Variants in NEAT1 observed in about 807,000 individuals in gnomAD.
NEAT1 encodes the protein MENepsilon/beta.
exon 1 of NEAT1, chr11:65,442,127 T>A (rs970617560): frequency 7.5e-6 from 1 of 133,664 alleles, no homozygotes; most frequent in Admixed American, 7.3e-5. Context: ...AGAGTTTTGA[T>A]TTTTTTTTTT....
chr11:65,434,069 C>A (rs949022810), exon 1 of NEAT1: 1 of 151,916 alleles, frequency 6.6e-6, no homozygotes, highest in Non-Finnish European at 1.5e-5. Context: ...TCATTTAATA[C>A]CATGGTAAGA....
exon 1 of NEAT1, chr11:65,434,377 C>T (rs1194574556): frequency 6.6e-6 from 1 of 152,090 alleles, no homozygotes; most frequent in Admixed American, 6.5e-5. Flanking sequence ...TTATTCACTT[C>T]CATTTGTATC....
At chr11:65,432,655 CT>C (rs1391659227) in exon 1 of NEAT1, 1 of 140,826 alleles carries the variant, frequency 7.1e-6, no homozygotes, top group African/African-American at 2.7e-5. Flanking sequence ...TTATAATTTT[CT>C]TTTTTTTCTT....
exon 1 of NEAT1, chr11:65,424,948 G>C (rs1432038805): frequency 6.6e-6 from 1 of 152,092 alleles, no homozygotes; most frequent in African/African-American, 2.4e-5. Context: ...GGGGTATGCA[G>C]CTTGGCACTG....
exon 1 of NEAT1, chr11:65,438,969 C>G (rs1040317480): frequency 6.6e-6 from 1 of 152,172 alleles, no homozygotes; most frequent in Non-Finnish European, 1.5e-5. Context: ...AAACTATTTT[C>G]CCACGTCCAT....
In NEAT1 at chr11:65,432,269, A is replaced by G. The variant is rs570012567; in HGVS notation, n.9472A>G. Reference sequence around the variant, plus strand: ...CATTTTTCCTCTTTGACCACTAACCATGTGAAATTCTCATATTGACCTTTA... The same window carrying G: ...CATTTTTCCTCTTTGACCACTAACCGTGTGAAATTCTCATATTGACCTTTA... On this transcript the variant is annotated non_coding_transcript_exon_variant, in exon 1 of 1. Transcript: ENST00000501122. 3.3e-5 allele frequency: 5 copies of G among 152,302 alleles called. No individual in the cohort carries two copies. In the East Asian group the frequency reaches 9.6e-4, roughly 29 times the overall value. 9.4% of individuals were successfully genotyped at this position (152,302 alleles called of 1,614,324 possible).
chr11:65,431,131 T>C (rs990069194), exon 1 of NEAT1: 2 of 152,216 alleles, frequency 1.3e-5, no homozygotes, highest in African/African-American at 4.8e-5. Flanking sequence ...AGTTAAATCA[T>C]GAAGTATTTG....
At chr11:65,443,212 T>C (rs927370049) in exon 1 of NEAT1, 2 of 152,222 alleles carry the variant, frequency 1.3e-5, no homozygotes, top group Non-Finnish European at 2.9e-5. Flanking sequence ...CTGAGCTGGC[T>C]CAGCAGTCTG....
At chr11:65,443,562 C>T (rs1225251043) in exon 1 of NEAT1, 1 of 152,232 alleles carries the variant, frequency 6.6e-6, no homozygotes, top group Non-Finnish European at 1.5e-5. Flanking sequence ...TTGGGGTCCT[C>T]TGGGGCATTC....
chr11:65,424,400 G>A (rs1009586667), exon 1 of NEAT1: 4 of 152,198 alleles, frequency 2.6e-5, no homozygotes, highest in African/African-American at 7.2e-5. Flanking sequence ...AGATCCCTAA[G>A]CTGTAGAACA....
At chr11:65,439,124 C>T (rs1012187080) in exon 1 of NEAT1, 1 of 152,170 alleles carries the variant, frequency 6.6e-6, no homozygotes, top group African/African-American at 2.4e-5. Flanking sequence ...TTGCATTTCT[C>T]TGATGAGTGA....
chr11:65,444,896 A>G (rs1856752665), exon 1 of NEAT1: 1 of 221,458 alleles, frequency 4.5e-6, no homozygotes, highest in South Asian at 5.4e-5. Context: ...CGTCTGCGTG[A>G]CCTCAGGTGC....
At chr11:65,426,581 A>G (rs1021475844) in exon 1 of NEAT1, 5 of 152,340 alleles carry the variant, frequency 3.3e-5, no homozygotes, top group South Asian at 4.1e-4. Flanking sequence ...CATTGCCTTC[A>G]TAACGACTTT....
exon 1 of NEAT1, chr11:65,439,367 A>C (rs763617014): frequency 1.3e-5 from 2 of 152,178 alleles, no homozygotes; most frequent in Non-Finnish European, 2.9e-5. Flanking sequence ...CCTTAGACAT[A>C]TAATAAATTT....
chr11:65,435,002 T>C (rs1856646345), exon 1 of NEAT1: 1 of 152,224 alleles, frequency 6.6e-6, no homozygotes, highest in Admixed American at 6.5e-5. Flanking sequence ...TGTCAAGGTA[T>C]AATTTTTTAA....
exon 1 of NEAT1, chr11:65,433,679 C>T (rs1334597266): frequency 4.6e-5 from 7 of 151,568 alleles, no homozygotes; most frequent in Admixed American, 4.6e-4. Flanking sequence ...CCAGGTCTGT[C>T]AATATTAACT....
exon 1 of NEAT1, chr11:65,437,662 G>A (rs893878761): frequency 6.6e-6 from 1 of 151,910 alleles, no homozygotes; most frequent in Admixed American, 6.6e-5. Flanking sequence ...AATAAGGTAC[G>A]TCTTTCCATC....
rs948100869 is a variant in NEAT1 at position 65,439,785 on chromosome 11, TC to T, written n.16992del. On this transcript the variant is annotated non_coding_transcript_exon_variant, in exon 1 of 1. Transcript: ENST00000501122. ...AATGATTAAGGTCTTGGGGGGGGTG[TC>T]CCCTATCAGACTACAGGTGTTTAGA... The T allele has an allele frequency of 1.8e-3, 279 of 152,048 alleles. 1 individual carries two copies. The highest frequency in any genetic ancestry group is 6.3e-3 in the African/African-American group (260 of 41,458). 9.4% of individuals were successfully genotyped at this position (152,048 alleles called of 1,614,324 possible).
exon 1 of NEAT1, chr11:65,434,216 T>C (rs1157611372): frequency 6.6e-6 from 1 of 152,150 alleles, no homozygotes; most frequent in Non-Finnish European, 1.5e-5. Context: ...ACAACACTGT[T>C]TCTCAGTGTC....
Sources: gnomAD v4.1 joint callset for allele counts on GRCh38, gnomAD v4.1.1 for gene constraint, MANE v1.5 for transcripts, NCBI Gene and HGNC (gene_info 2026-07-23, HGNC 2026-07-21) for gene names.